KDM5A: variants seen among roughly 807,000 people sequenced by gnomAD.
The protein encoded by KDM5A is lysine-specific demethylase 5A.
Under a neutral mutation model 193.5 loss-of-function variants are expected in KDM5A, and 42 were observed. The observed-to-expected ratio is 0.22, with a 90% CI of 0.17 to 0.28. The LOEUF is 0.28. Among genes scored for constraint, KDM5A ranks in the 10% least tolerant of loss-of-function variants. KDM5A has a pLI of 1.00. For missense variants in KDM5A, 1,692 were observed against 2,055.1 expected (o/e 0.82, Z 3.42); for synonymous variants, 796 against 718.1 (o/e 1.11, Z -1.73).
chr12:352,387 C>T (rs1345883827), intron 8 of KDM5A, 63 bp from the exon 9 acceptor site: 2 of 1,438,370 alleles, frequency 1.4e-6, no homozygotes, highest in Non-Finnish European at 2.0e-6. Context: ...CTTTAAGGCT[C>T]TTAGTTACTA....
chr12:290,067 T>C (rs1024563459), intron 27 of KDM5A, among the ~76,000 whole-genome samples: 1 of 152,230 alleles, frequency 6.6e-6, no homozygotes, highest in Non-Finnish European at 1.5e-5. Context: ...GCAATCCTCC[T>C]GTCTCAACCT....
chr12:372,683 A>G (rs1446463803), intron 3 of KDM5A, among the ~76,000 whole-genome samples: 1 of 152,188 alleles, frequency 6.6e-6, no homozygotes, highest in African/African-American at 2.4e-5. Context: ...TTTCAAAGGG[A>G]ATGCTTCCAG....
chr12:326,934 G>T (rs1200614477), intron 14 of KDM5A, among the ~76,000 whole-genome samples: 1 of 150,526 alleles, frequency 6.6e-6, no homozygotes, highest in Non-Finnish European at 1.5e-5. Flanking sequence ...TGTCACTGGT[G>T]AACTTTGAGA....
intron 14 of KDM5A, among the ~76,000 whole-genome samples, chr12:326,073 T>C (rs3753158): frequency 0.26 from 39,871 of 152,164 alleles, 5,442 homozygotes; most frequent in South Asian, 0.31. Context: ...ACGATGGTCC[T>C]GGCGCTTACT....
At chr12:335,479 A>C (rs2137427480) in intron 10 of KDM5A, among the ~76,000 whole-genome samples, 1 of 152,332 alleles carries the variant, frequency 6.6e-6, no homozygotes, top group East Asian at 1.9e-4. Context: ...TAACAGATTG[A>C]ATGCAGAAGC....
chr12:388,527 T>C (rs1944676663), intron 1 of KDM5A: 1 of 360,788 alleles, frequency 2.8e-6, no homozygotes, highest in Admixed American at 3.8e-5. Flanking sequence ...AGCCCTGAGA[T>C]GAGGCCTGCA....
intron 5 of KDM5A, among the ~76,000 whole-genome samples, chr12:358,660 C>T (rs927506313): frequency 1.3e-5 from 2 of 152,106 alleles, no homozygotes; most frequent in African/African-American, 4.8e-5. Context: ...TCCACCTGAA[C>T]ATTTTAACTC....
chr12:301,530 C>T (rs1943440967), intron 24 of KDM5A, among the ~76,000 whole-genome samples: 1 of 152,126 alleles, frequency 6.6e-6, no homozygotes. Flanking sequence ...TGGAATGTAT[C>T]TCAAAATAAT....
intron 26 of KDM5A, among the ~76,000 whole-genome samples, chr12:295,222 G>T (rs1313948161): frequency 1.3e-5 from 2 of 148,674 alleles, no homozygotes; most frequent in African/African-American, 2.5e-5. Flanking sequence ...AATCTCTGGT[G>T]TCCTACAAGA....
intron 3 of KDM5A, among the ~76,000 whole-genome samples, chr12:381,745 TAGTA>T (rs1004146108): frequency 5.9e-5 from 9 of 152,206 alleles, no homozygotes; most frequent in Admixed American, 2.0e-4. Flanking sequence ...CCAAATTTTT[TAGTA>T]AGAGAATTTT....
intron 3 of KDM5A, among the ~76,000 whole-genome samples, chr12:370,581 G>A (rs900142813): frequency 3.3e-5 from 5 of 150,216 alleles, no homozygotes; most frequent in African/African-American, 1.2e-4. Context: ...AAGTAGTATC[G>A]CTCAAGACCA....
At chr12:338,171 C>T (rs1943957995) in intron 10 of KDM5A, among the ~76,000 whole-genome samples, 1 of 152,082 alleles carries the variant, frequency 6.6e-6, no homozygotes, top group African/African-American at 2.4e-5. Flanking sequence ...CATCTAGACA[C>T]TTGAATGGTA....
intron 13 of KDM5A, among the ~76,000 whole-genome samples, chr12:330,085 G>GTGTGTGTGTATATATATATATATATATA (rs377271333): frequency 7.2e-5 from 10 of 139,318 alleles, no homozygotes; most frequent in African/African-American, 2.7e-4. Context: ...GTGTGTGTGT[G>GTGTGTGTGTATATATATATATATATATA]TATATATATA....
intron 3 of KDM5A, among the ~76,000 whole-genome samples, chr12:367,858 C>A (rs552620368): frequency 1.3e-5 from 2 of 151,578 alleles, no homozygotes; most frequent in East Asian, 1.9e-4. Flanking sequence ...TCTCAAGTGA[C>A]CCTGTCTCAA....
intron 3 of KDM5A, among the ~76,000 whole-genome samples, chr12:376,395 T>C (rs1944504378): frequency 6.6e-6 from 1 of 152,174 alleles, no homozygotes; most frequent in Non-Finnish European, 1.5e-5. Context: ...CAGGATATAA[T>C]CTCCTGGTGT....
chr12:388,179 A>C, intron 1 of KDM5A: 1 of 408,474 alleles, frequency 2.4e-6, no homozygotes, highest in Non-Finnish European at 4.9e-6. Flanking sequence ...TAATCACTCA[A>C]CCTCTTGGGG....
At chr12:376,698 G>A (rs893291312) in intron 3 of KDM5A, among the ~76,000 whole-genome samples, 1 of 152,196 alleles carries the variant, frequency 6.6e-6, no homozygotes, top group African/African-American at 2.4e-5. Context: ...GACCGGAGCT[G>A]TTCCTATTCG....
In KDM5A at chr12:342,950, G is replaced by T. The variant is rs950881944; in HGVS notation, c.1308+7671C>A. ...TGGACAGTGGGTGCAGCCCACAGAGGGCTAGCTGAAGCAGGGCGTGCATCA... is the reference window on the plus strand; with the variant it reads ...TGGACAGTGGGTGCAGCCCACAGAGTGCTAGCTGAAGCAGGGCGTGCATCA... On this transcript the variant is annotated intron_variant, in intron 10 of 27. Coordinates refer to ENST00000399788, the MANE Select transcript of KDM5A (RefSeq NM_001042603.3). 6.6e-5 allele frequency among the ~76,000 whole-genome samples: 10 copies of T among 152,088 alleles called. No homozygotes were observed. The South Asian group carries it at 1.9e-3, about 28-fold the overall frequency.
At chr12:291,640 C>T (rs1378782720) in intron 27 of KDM5A, among the ~76,000 whole-genome samples, 3 of 152,150 alleles carry the variant, frequency 2.0e-5, no homozygotes, top group Non-Finnish European at 4.4e-5. Flanking sequence ...GTTTTATTTA[C>T]TGTTTATATT....
Sources: allele counts gnomAD v4.1 joint callset (sites outside exome capture counted in the v4.1 genomes callset), GRCh38; gene constraint gnomAD v4.1.1; transcripts MANE v1.5; gene names NCBI Gene and HGNC (gene_info 2026-07-23, HGNC 2026-07-21).